ITGA2: variants seen among roughly 807,000 people sequenced by gnomAD.
ITGA2 encodes integrin alpha-2.
Under a neutral mutation model 146.3 loss-of-function variants are expected in ITGA2, and 101 were observed. The observed-to-expected ratio is 0.69, with a 90% CI of 0.59 to 0.81. The LOEUF is 0.81. ITGA2 is among the 40% of genes least tolerant of loss of function. ITGA2 has a pLI of 0.00. For missense variants in ITGA2, 1,281 were observed against 1,402.7 expected (o/e 0.91, Z 1.39); for synonymous variants, 477 against 487.1 (o/e 0.98, Z 0.27).
chr5:52,994,032 C>A (rs1222246457), intron 1 of ITGA2, among the ~76,000 whole-genome samples: 1 of 152,188 alleles, frequency 6.6e-6, no homozygotes, highest in Non-Finnish European at 1.5e-5. Context: ...CCTAGCACTG[C>A]AAATCATGAG....
chr5:53,015,353 C>T lies in ITGA2; in HGVS notation c.65-11395C>T, dbSNP rs146199214. 2.2e-3 allele frequency among the ~76,000 whole-genome samples: 331 copies of T among 152,164 alleles called. 2 individuals are homozygous for T. The highest frequency in any genetic ancestry group is 1.9e-3 in the Non-Finnish European group (127 of 67,978). ...CTTCTACCTTAATTTCGTTGTTTAC[C>T]CAAAAGTCATTCAGGAGCAGGATGT... On this transcript the variant is annotated intron_variant, in intron 1 of 29. Transcript: ENST00000296585.
chr5:53,093,332 T>C lies in ITGA2; in HGVS notation c.*2733T>C, dbSNP rs1284050177. 6.6e-6 allele frequency: 1 copy of C among 152,138 alleles called. No homozygotes were observed. Among genetic ancestry groups the C allele is most frequent in the Non-Finnish European group, 1.5e-5 (1 of 68,046 alleles). The allele number at this position is 152,138 out of a possible 1,614,324, so 9.4% of individuals were successfully genotyped here. Reference sequence around the variant, plus strand: ...CACTGTTTCCAGGGAGTAGTTGAATTACTATAAACCATTAGCCACTTGTCT... The same window carrying C: ...CACTGTTTCCAGGGAGTAGTTGAATCACTATAAACCATTAGCCACTTGTCT... On this transcript the variant is annotated 3_prime_UTR_variant, in exon 30 of 30. Coordinates refer to ENST00000296585, the MANE Select transcript of ITGA2 (RefSeq NM_002203.4).
chr5:53,052,474 A>C (rs2111928737), intron 7 of ITGA2, among the ~76,000 whole-genome samples: 1 of 152,268 alleles, frequency 6.6e-6, no homozygotes, highest in South Asian at 2.1e-4. Context: ...ATTAATGAGA[A>C]CAACAAGCTT....
intron 28 of ITGA2, 124 bp from the exon 29 acceptor site, chr5:53,089,822 G>A (rs1397050343): frequency 3.2e-5 from 24 of 751,060 alleles, no homozygotes; most frequent in Non-Finnish European, 5.9e-5. Flanking sequence ...ACGCCATCAT[G>A]AGCAAGTCTT....
intron 16 of ITGA2, among the ~76,000 whole-genome samples, chr5:53,068,131 T>C (rs3212690): frequency 0.011 from 1,632 of 152,020 alleles, 18 homozygotes; most frequent in Non-Finnish European, 0.015. Flanking sequence ...CATATTAACT[T>C]AAAGCTGAAA....
At chr5:53,057,845 C>G (rs147869595) in intron 9 of ITGA2, among the ~76,000 whole-genome samples, 180 bp from the exon 10 acceptor site, 72 of 151,826 alleles carry the variant, frequency 4.7e-4, no homozygotes, top group African/African-American at 1.7e-3. Flanking sequence ...TGCTAGAACA[C>G]TTTCTTAGTA....
chr5:53,052,637 C>T (rs1030967680), intron 7 of ITGA2, among the ~76,000 whole-genome samples: 1 of 151,950 alleles, frequency 6.6e-6, no homozygotes, highest in Non-Finnish European at 1.5e-5. Context: ...CTTCATCCCC[C>T]AACCCTGTGG....
intron 1 of ITGA2, among the ~76,000 whole-genome samples, chr5:53,001,005 G>A (rs759765258): frequency 2.0e-5 from 3 of 146,426 alleles, no homozygotes; most frequent in Non-Finnish European, 4.5e-5. Context: ...GGGTTCAAGC[G>A]ATTCTCCTGC....
At position 53,087,118 on chromosome 5, in the gene ITGA2, C is replaced by T. The variant is rs1414430383; in HGVS notation, c.3348+77C>T. On this transcript the variant is annotated intron_variant, in intron 28 of 29. Coordinates refer to ENST00000296585, the MANE Select transcript of ITGA2 (RefSeq NM_002203.4). ...CACTTCTAAAAGCCTGGGATAGTCA[C>T]TCTTCTTACCTACATGTATGTAGAA... The T allele has an allele frequency of 1.4e-5, 13 of 909,986 alleles. No homozygotes were observed. In the Admixed American group the frequency reaches 1.8e-4, roughly 12 times the overall value. 56.4% of individuals were successfully genotyped at this position (909,986 alleles called of 1,614,324 possible). A position where few individuals can be genotyped will look rare whatever the true frequency, so the allele number is the denominator to read the frequency against.
chr5:53,009,031 C>A (rs555292900), intron 1 of ITGA2, among the ~76,000 whole-genome samples: 2 of 152,198 alleles, frequency 1.3e-5, no homozygotes, highest in East Asian at 3.9e-4. Context: ...CAGACACCTG[C>A]ACACAGTGGG....
At chr5:53,041,988 T>C (rs1464600588) in intron 2 of ITGA2, 124 bp from the exon 3 acceptor site, 2 of 717,446 alleles carry the variant, frequency 2.8e-6, no homozygotes, top group South Asian at 1.5e-5. Flanking sequence ...GGTCAAATCA[T>C]AGCTGAACAA....
In ITGA2 at chr5:53,093,955, T is replaced by C. The variant is rs1361781367; in HGVS notation, c.*3356T>C. The C allele has an allele frequency of 2.1e-5, 3 of 143,850 alleles. No individual in the cohort carries two copies. The highest frequency in any genetic ancestry group is 4.5e-5 in the Non-Finnish European group (3 of 66,016). The allele number at this position is 143,850 out of a possible 1,614,324, so 8.9% of individuals were successfully genotyped here. A position where few individuals can be genotyped will look rare whatever the true frequency, so the allele number is the denominator to read the frequency against. ...ACCTAGCAATGTTATTCTTGTAAAA[T>C]AGTTACCTATTAAAACTGTGAAGAG... On this transcript the variant is annotated 3_prime_UTR_variant, in exon 30 of 30. Coordinates refer to ENST00000296585, the MANE Select transcript of ITGA2 (RefSeq NM_002203.4).
rs577815737 is a variant in ITGA2, at chr5:53,021,883, C to T, written c.65-4865C>T. The stretch of plus-strand genomic sequence containing the variant: ...CCACCTCTTGCTTTTGGCCTTTGCT[C>T]TCTTCTCTTAACCTGAATTTCTTCC... On this transcript the variant is annotated intron_variant, in intron 1 of 29. Transcript: ENST00000296585. Among the ~76,000 whole-genome samples, 57 of 152,296 alleles carry T rather than the reference C, an allele frequency of 3.7e-4. No individual in the cohort carries two copies. The South Asian group carries it at 0.012, about 31-fold the overall frequency.
At chr5:53,081,528 T>C in intron 25 of ITGA2, 64 bp from the exon 26 acceptor site, 1 of 1,251,636 alleles carries the variant, frequency 8.0e-7, no homozygotes, top group African/African-American at 1.5e-5. Context: ...TTTCCTAACA[T>C]GTTGAAAGGA....
At chr5:53,016,798 T>C (rs1742420995) in intron 1 of ITGA2, among the ~76,000 whole-genome samples, 1 of 152,228 alleles carries the variant, frequency 6.6e-6, no homozygotes, top group South Asian at 2.1e-4. Context: ...TTATTCTTTT[T>C]TCTTTATTTT....
At chr5:53,089,818 T>C in intron 28 of ITGA2, 128 bp from the exon 29 acceptor site, 1 of 742,548 alleles carries the variant, frequency 1.3e-6, no homozygotes, top group Non-Finnish European at 2.5e-6. Context: ...AGATACGCCA[T>C]CATGAGCAAG....
At chr5:53,021,428 C>G (rs543766557) in intron 1 of ITGA2, among the ~76,000 whole-genome samples, 46 of 152,318 alleles carry the variant, frequency 3.0e-4, no homozygotes, top group African/African-American at 1.1e-3. Context: ...CTTACACACA[C>G]AGAGAGCCTA....
At chr5:53,007,804 C>T (rs1741931965) in intron 1 of ITGA2, among the ~76,000 whole-genome samples, 1 of 152,068 alleles carries the variant, frequency 6.6e-6, no homozygotes, top group African/African-American at 2.4e-5. Flanking sequence ...GGAGATGTTC[C>T]TGGCCTGAAG....
intron 1 of ITGA2, 139 bp downstream of exon 1, chr5:52,989,671 A>T: frequency 2.3e-6 from 2 of 881,750 alleles, no homozygotes; most frequent in Non-Finnish European, 3.7e-6. Context: ...GCTCCCAGCC[A>T]CCAGGACCTG....
Sources: allele counts gnomAD v4.1 joint callset (sites outside exome capture counted in the v4.1 genomes callset), GRCh38; gene constraint gnomAD v4.1.1; transcripts MANE v1.5; gene names NCBI Gene and HGNC (gene_info 2026-07-23, HGNC 2026-07-21).